Variants in NRXN1 observed in about 807,000 individuals in gnomAD.
NRXN1 encodes neurexin-1.
NRXN1 carries 39 observed loss-of-function variants against 150.9 expected under a neutral mutation model. The ratio of observed to expected loss-of-function variants is 0.26; its 90% confidence interval spans 0.20 to 0.34. The LOEUF (loss-of-function observed/expected upper bound fraction) is 0.34, where lower values mean the gene tolerates loss of function less well. Among genes scored for constraint, NRXN1 ranks in the 10% least tolerant of loss-of-function variants. The pLI is 1.00. For synonymous variants in NRXN1, 924 were observed against 757.0 expected (o/e 1.22, Z -3.62); for missense variants, 1,815 against 1,949.9 (o/e 0.93, Z 1.30).
intron 21 of NRXN1, chr2:50,016,524 G>A (rs1309909724): frequency 6.6e-6 from 1 of 152,162 alleles, no homozygotes; most frequent in African/African-American, 2.4e-5. Flanking sequence ...GGAGGCCTCA[G>A]GAAACTTACA....
Position 50,480,751 on chromosome 2 carries a change from G to A in NRXN1, c.3071-8280C>T, listed in dbSNP as rs969051766. 5.3e-5 allele frequency among the ~76,000 whole-genome samples: 8 copies of A among 151,974 alleles called. No individual in the cohort carries two copies. In the South Asian group the frequency reaches 1.7e-3, roughly 32 times the overall value. ...ACAGGTGTTCCTGATGCTACAGCAG[G>A]CTTACACATCTAACAGTATATTGCT... is the stretch of plus-strand genomic sequence containing the variant. On this transcript the variant is annotated intron_variant, in intron 15 of 22. Transcript: ENST00000401669.
chr2:50,387,646 A>G (rs1373806752), intron 17 of NRXN1, among the ~76,000 whole-genome samples: 1 of 152,220 alleles, frequency 6.6e-6, no homozygotes, highest in Non-Finnish European at 1.5e-5. Flanking sequence ...AAAGGCTAAA[A>G]TTACAGGAAC....
intron 21 of NRXN1, among the ~76,000 whole-genome samples, chr2:50,036,485 T>C (rs1306927137): frequency 6.6e-6 from 1 of 152,206 alleles, no homozygotes; most frequent in African/African-American, 2.4e-5. Flanking sequence ...CCCAAATTTG[T>C]TCAGCTTTTG....
chr2:50,045,663 A>G (rs1202356354), intron 21 of NRXN1, among the ~76,000 whole-genome samples: 15 of 152,188 alleles, frequency 9.9e-5, no homozygotes, highest in Non-Finnish European at 1.5e-5. Context: ...GCTGATAAAA[A>G]CTAAGACAAT....
intron 19 of NRXN1, among the ~76,000 whole-genome samples, chr2:50,070,632 T>C (rs1484361163): frequency 2.0e-5 from 3 of 151,072 alleles, no homozygotes; most frequent in African/African-American, 4.9e-5. Context: ...TATCCGGGCG[T>C]AGTGGCGGGC....
At chr2:50,612,066 T>C (rs953379236) in intron 8 of NRXN1, among the ~76,000 whole-genome samples, 2 of 152,168 alleles carry the variant, frequency 1.3e-5, no homozygotes, top group African/African-American at 4.8e-5. Context: ...TGTAATATGA[T>C]ACGGGGAGCA....
In NRXN1 at chr2:49,966,647, A is replaced by G. The variant is rs1259653324; in HGVS notation, c.4129-22856T>C. The G allele has an allele frequency of 2.0e-5, 3 of 152,118 alleles. No individual in the cohort carries two copies. The East Asian group carries it at 5.8e-4, about 29-fold the overall frequency. The allele number at this position is 152,118 out of a possible 1,614,324, so 9.4% of individuals were successfully genotyped here. A position where few individuals can be genotyped will look rare whatever the true frequency, so the allele number is the denominator to read the frequency against. ...TAAGCCATTAAGTCTTCACCAGTAG[A>G]TACAGAACTTTCTCCAGTACAATGT... On this transcript the variant is annotated intron_variant, in intron 21 of 22. Coordinates refer to ENST00000401669, the MANE Select transcript of NRXN1 (RefSeq NM_001330078.2).
chr2:50,827,656 G>A (rs1042210453), intron 5 of NRXN1, among the ~76,000 whole-genome samples: 2 of 151,980 alleles, frequency 1.3e-5, no homozygotes, highest in African/African-American at 4.8e-5. Flanking sequence ...CTCACAGAGG[G>A]GGACTTGGCA....
At chr2:50,923,029 T>C (rs1472227249) in intron 3 of NRXN1, among the ~76,000 whole-genome samples, 6 of 151,884 alleles carry the variant, frequency 4.0e-5, no homozygotes, top group Non-Finnish European at 8.8e-5. Context: ...TTTTGCATAT[T>C]GCCCCCACAG....
At chr2:50,955,457 C>A (rs1022993288) in intron 2 of NRXN1, among the ~76,000 whole-genome samples, 1 of 152,108 alleles carries the variant, frequency 6.6e-6, no homozygotes, top group African/African-American at 2.4e-5. Context: ...AATTTTAAAG[C>A]AGGCTTTTTA....
chr2:50,718,216 C>T (rs1266104757), intron 5 of NRXN1, among the ~76,000 whole-genome samples: 1 of 152,084 alleles, frequency 6.6e-6, no homozygotes, highest in Non-Finnish European at 1.5e-5. Flanking sequence ...TTTTATGAGA[C>T]TTATTTTATA....
chr2:50,348,242 C>T (rs2078188291), intron 17 of NRXN1, among the ~76,000 whole-genome samples: 1 of 152,100 alleles, frequency 6.6e-6, no homozygotes, highest in African/African-American at 2.4e-5. Flanking sequence ...CTTCCCATTA[C>T]CATATTATAT....
chr2:50,818,865 C>T (rs920632300), intron 5 of NRXN1, among the ~76,000 whole-genome samples: 13 of 152,174 alleles, frequency 8.5e-5, no homozygotes, highest in African/African-American at 2.6e-4. Context: ...CTTGTTTAGA[C>T]ATTTGTTCCA....
intron 5 of NRXN1, among the ~76,000 whole-genome samples, chr2:50,770,507 G>A (rs966262278): frequency 1.3e-5 from 2 of 151,760 alleles, no homozygotes; most frequent in African/African-American, 2.4e-5. Flanking sequence ...ATGTGACTTT[G>A]GACCCATCTT....
Position 50,472,350 on chromosome 2 carries a change from G to T in NRXN1, c.3192C>A (p.Asp1064Glu). ...ASVDLNGRLPDLISDALFCNG... is the reference protein window; with the variant it reads ...ASVDLNGRLPELISDALFCNG... Reference sequence around the variant, plus strand: ...TGCAGAAAAGAGCATCGGAGATGAGGTCCGGAAGCCGTCCATTTAAATCAA... The same window carrying T: ...TGCAGAAAAGAGCATCGGAGATGAGTTCCGGAAGCCGTCCATTTAAATCAA... The change falls in exon 16 of 23, where the codon GAC becomes GAA. Residue 1064 changes from aspartate (D) to glutamate (E), a missense_variant. Transcript: ENST00000401669. 6.2e-7 allele frequency: 1 copy of T among 1,611,884 alleles called. No homozygotes were observed. Among genetic ancestry groups the T allele is most frequent in the Non-Finnish European group, 8.5e-7 (1 of 1,178,660 alleles).
At chr2:51,012,862 GT>G (rs1668098456) in intron 2 of NRXN1, among the ~76,000 whole-genome samples, 1 of 151,884 alleles carries the variant, frequency 6.6e-6, no homozygotes, top group Non-Finnish European at 1.5e-5. Context: ...TTTTTCTCTG[GT>G]TTTTGTTTTC....
intron 5 of NRXN1, among the ~76,000 whole-genome samples, chr2:50,821,315 G>A (rs780787727): frequency 3.3e-5 from 5 of 152,036 alleles, no homozygotes; most frequent in Admixed American, 6.6e-5. Context: ...ATCAGCTATC[G>A]TTAGTGTATT....
chr2:50,689,738 C>T (rs1370833789), intron 5 of NRXN1, among the ~76,000 whole-genome samples: 2 of 152,080 alleles, frequency 1.3e-5, no homozygotes, highest in Admixed American at 6.6e-5. Context: ...TTAAGACTGT[C>T]ATACACTGCT....
At chr2:50,506,168 G>T (rs2092211653) in intron 13 of NRXN1, among the ~76,000 whole-genome samples, 1 of 151,844 alleles carries the variant, frequency 6.6e-6, no homozygotes, top group South Asian at 2.1e-4. Context: ...ACAAAACAAA[G>T]AAACTCAACA....
Sources: allele counts gnomAD v4.1 joint callset (sites outside exome capture counted in the v4.1 genomes callset), GRCh38; gene constraint gnomAD v4.1.1; transcripts MANE v1.5; gene names NCBI Gene and HGNC (gene_info 2026-07-23, HGNC 2026-07-21).